Variants in SYT1 observed in about 807,000 individuals in gnomAD.
SYT1 encodes synaptotagmin 1, also known as synaptotagmin-1.
SYT1 carries 8 observed loss-of-function variants against 44.8 expected under a neutral mutation model. That is an observed-to-expected ratio of 0.18 (90% CI 0.10 to 0.32). SYT1 has a LOEUF of 0.32. Ranked by LOEUF, SYT1 falls within the 10% of genes least tolerant of loss-of-function variation. The pLI is 1.00. For synonymous variants in SYT1, 154 were observed against 188.8 expected (o/e 0.82, Z 1.51); for missense variants, 286 against 509.3 (o/e 0.56, Z 4.22).
At chr12:79,202,688 A>C (rs1339551629) in intron 3 of SYT1, among the ~76,000 whole-genome samples, 1 of 152,182 alleles carries the variant, frequency 6.6e-6, no homozygotes, top group Non-Finnish European at 1.5e-5. Flanking sequence ...TAGTAGATCA[A>C]GGTGTACTTG....
rs190779523 is a variant in SYT1 at position 79,084,221 on chromosome 12, A to G, written c.-18+36859A>G. 4.2e-3 allele frequency among the ~76,000 whole-genome samples: 637 copies of G among 152,272 alleles called. 4 individuals are homozygous for G. Among genetic ancestry groups the G allele is most frequent in the African/African-American group, 0.015 (606 of 41,566 alleles). On this transcript the variant is annotated intron_variant, in intron 3 of 10. Transcript: ENST00000261205. ...GTACTAATATTGCCTATATAAAACA[A>G]TTGTCACTATGCCTAGAATAAATAT...
intron 3 of SYT1, among the ~76,000 whole-genome samples, chr12:79,064,082 CA>C (rs34237108): frequency 0.2 from 30,278 of 152,076 alleles, 3,354 homozygotes; most frequent in East Asian, 0.31. Context: ...GCTTAGTGCA[CA>C]AGTAGATGAA....
rs73352987 is a variant in SYT1, at chr12:79,340,825, G to A, written c.811-12677G>A. Among the ~76,000 whole-genome samples, 790 of 152,252 alleles carry A rather than the reference G, an allele frequency of 5.2e-3. 5 individuals carry two copies. Among genetic ancestry groups the A allele is most frequent in the African/African-American group, 0.018 (754 of 41,556 alleles). The stretch of plus-strand genomic sequence containing the variant: ...AAATGGTAGAATTTCAAGTACCTCA[G>A]CACACTATAGCATAAAGAATCTTTT... On this transcript the variant is annotated intron_variant, in intron 8 of 10. Coordinates refer to ENST00000261205, the MANE Select transcript of SYT1 (RefSeq NM_005639.3).
At chr12:78,888,710 T>C (rs937941063) in intron 1 of SYT1, among the ~76,000 whole-genome samples, 12 of 151,902 alleles carry the variant, frequency 7.9e-5, no homozygotes, top group African/African-American at 2.7e-4. Context: ...TACCACTACC[T>C]GCTGATTGGT....
chr12:79,264,718 C>A (rs1193048587), intron 4 of SYT1, among the ~76,000 whole-genome samples: 1 of 152,168 alleles, frequency 6.6e-6, no homozygotes, highest in Non-Finnish European at 1.5e-5. Context: ...CAAAGTACTG[C>A]ATATTGTTTA....
intron 9 of SYT1, among the ~76,000 whole-genome samples, chr12:79,360,958 AG>A (rs1283878630): frequency 6.6e-6 from 1 of 152,190 alleles, no homozygotes; most frequent in Non-Finnish European, 1.5e-5. Context: ...AAGGACTAAA[AG>A]TTTTAGAGAA....
chr12:79,318,969 T>C (rs1245805441), intron 8 of SYT1, among the ~76,000 whole-genome samples: 1 of 152,160 alleles, frequency 6.6e-6, no homozygotes, highest in Non-Finnish European at 1.5e-5. Flanking sequence ...GACTTTGAAA[T>C]GCCCGCCTGA....
At chr12:79,149,740 C>G (rs899523476) in intron 3 of SYT1, among the ~76,000 whole-genome samples, 2 of 152,134 alleles carry the variant, frequency 1.3e-5, no homozygotes, top group African/African-American at 4.8e-5. Flanking sequence ...CTGTGATAGA[C>G]TGCCTTAGCA....
chr12:78,989,300 C>G (rs1378623289), intron 2 of SYT1, among the ~76,000 whole-genome samples: 1 of 152,090 alleles, frequency 6.6e-6, no homozygotes, highest in African/African-American at 2.4e-5. Flanking sequence ...AAGTAAGATA[C>G]TCTCAATAGC....
At chr12:79,349,101 G>A (rs1396519364) in intron 8 of SYT1, among the ~76,000 whole-genome samples, 9 of 148,446 alleles carry the variant, frequency 6.1e-5, no homozygotes, top group East Asian at 2.0e-4. Flanking sequence ...AAGGAAGGAC[G>A]GACAAACAGG....
intron 3 of SYT1, among the ~76,000 whole-genome samples, chr12:79,118,143 A>G (rs2138120863): frequency 6.6e-6 from 1 of 152,242 alleles, no homozygotes; most frequent in Admixed American, 6.5e-5. Context: ...TTGTTTGACA[A>G]GACCCTTTTT....
intron 4 of SYT1, among the ~76,000 whole-genome samples, chr12:79,257,354 A>G (rs1192691498): frequency 6.6e-6 from 1 of 152,250 alleles, no homozygotes; most frequent in African/African-American, 2.4e-5. Flanking sequence ...AATATTAACT[A>G]AATCTATTTA....
intron 9 of SYT1, among the ~76,000 whole-genome samples, chr12:79,396,323 C>G (rs911852648): frequency 1.3e-5 from 2 of 151,992 alleles, no homozygotes; most frequent in Admixed American, 1.3e-4. Flanking sequence ...AATTCTTCAG[C>G]ATATTGCAAG....
chr12:78,907,936 T>A (rs1427073621), intron 1 of SYT1, among the ~76,000 whole-genome samples: 2 of 151,998 alleles, frequency 1.3e-5, no homozygotes, highest in African/African-American at 2.4e-5. Flanking sequence ...CTCTCAGGTA[T>A]ATAGAGAAAA....
intron 3 of SYT1, among the ~76,000 whole-genome samples, chr12:79,144,693 C>T (rs1869769652): frequency 6.6e-6 from 1 of 152,190 alleles, no homozygotes; most frequent in Non-Finnish European, 1.5e-5. Context: ...TGGCTCATTT[C>T]GTTTAAGAGA....
intron 1 of SYT1, among the ~76,000 whole-genome samples, chr12:78,929,270 C>T (rs564622006): frequency 3.0e-4 from 46 of 151,148 alleles, no homozygotes; most frequent in African/African-American, 1.1e-3. Flanking sequence ...GACGTGGCAG[C>T]ACATGCCTGT....
intron 3 of SYT1, among the ~76,000 whole-genome samples, chr12:79,210,974 A>T (rs1874410564): frequency 6.6e-6 from 1 of 151,598 alleles, no homozygotes; most frequent in Non-Finnish European, 1.5e-5. Context: ...AGGAAATTAA[A>T]CCTCTTCTGC....
intron 1 of SYT1, among the ~76,000 whole-genome samples, chr12:78,972,629 G>T (rs1868463062): frequency 6.6e-6 from 1 of 151,472 alleles, no homozygotes; most frequent in South Asian, 2.1e-4. Context: ...TGAAATTTAT[G>T]TCACATATGT....
At chr12:78,935,662 A>T (rs550197411) in intron 1 of SYT1, among the ~76,000 whole-genome samples, 3 of 152,228 alleles carry the variant, frequency 2.0e-5, no homozygotes, top group Admixed American at 6.5e-5. Context: ...GTTCATGTTA[A>T]TCCTTTCTAA....
Sources: allele counts gnomAD v4.1 joint callset (sites outside exome capture counted in the v4.1 genomes callset), GRCh38; gene constraint gnomAD v4.1.1; transcripts MANE v1.5; gene names NCBI Gene and HGNC (gene_info 2026-07-23, HGNC 2026-07-21).